The following CYP7A1 variants were observed in gnomAD, a reference collection of about 807,000 sequenced individuals.
The protein encoded by CYP7A1 is cytochrome P450 7A1.
Under a neutral mutation model 43.8 loss-of-function variants are expected in CYP7A1, and 28 were observed. The observed-to-expected ratio is 0.64, with a 90% CI of 0.47 to 0.88. The LOEUF (loss-of-function observed/expected upper bound fraction) is 0.88, where lower values mean the gene tolerates loss of function less well. Among genes scored for constraint, CYP7A1 ranks in the 40% least tolerant of loss-of-function variants. The pLI is 0.00. For missense variants in CYP7A1, 637 were observed against 611.9 expected (o/e 1.04, Z -0.43); for synonymous variants, 227 against 222.5 (o/e 1.02, Z -0.18).
chr8:58,491,337 G>A lies in CYP7A1; in HGVS notation c.*138C>T. ...GTCACCAAAATGTTAAGATTCACAAGCAAGCACTGGTGAACAACATTGGAC... is the reference window on the plus strand; with the variant it reads ...GTCACCAAAATGTTAAGATTCACAAACAAGCACTGGTGAACAACATTGGAC... On this transcript the variant is annotated 3_prime_UTR_variant, in exon 6 of 6. Transcript: ENST00000301645. 1 of 806,848 alleles carries A rather than the reference G, an allele frequency of 1.2e-6. No homozygotes were observed. Among genetic ancestry groups the A allele is most frequent in the Non-Finnish European group, 2.0e-6 (1 of 495,962 alleles). The allele number at this position is 806,848 out of a possible 1,614,324, so 50.0% of individuals were successfully genotyped here.
Position 58,491,328 on chromosome 8 carries a change from G to T in CYP7A1, c.*147C>A, listed in dbSNP as rs1809347077. The T allele has an allele frequency of 1.2e-5, 9 of 754,390 alleles. No individual in the cohort carries two copies. In the South Asian group the frequency reaches 1.5e-4, roughly 13 times the overall value. 46.7% of individuals were successfully genotyped at this position (754,390 alleles called of 1,614,324 possible). A position where few individuals can be genotyped will look rare whatever the true frequency, so the allele number is the denominator to read the frequency against. ...CTGGAAACTGTCACCAAAATGTTAAGATTCACAAGCAAGCACTGGTGAACA... is the reference window on the plus strand; with the variant it reads ...CTGGAAACTGTCACCAAAATGTTAATATTCACAAGCAAGCACTGGTGAACA... On this transcript the variant is annotated 3_prime_UTR_variant, in exon 6 of 6. Coordinates refer to ENST00000301645, the MANE Select transcript of CYP7A1 (RefSeq NM_000780.4).
chr8:58,494,416 A>AATATACT, intron 4 of CYP7A1, 90 bp downstream of exon 4: 1 of 1,391,230 alleles, frequency 7.2e-7, no homozygotes, highest in Non-Finnish European at 1.0e-6. Context: ...TTTAATGCCT[A>AATATACT]GAATTCGGTA....
Position 58,497,041 on chromosome 8 carries a change from G to C in CYP7A1, c.471C>G (p.Val157=), listed in dbSNP as rs766929793. 6.2e-7 allele frequency: 1 copy of C among 1,608,662 alleles called. No homozygotes were observed. Among genetic ancestry groups the C allele is most frequent in the Non-Finnish European group, 8.5e-7 (1 of 1,180,008 alleles). ...ENLQRIMRPP[V]SSNSKTAAWV... is the part of the protein sequence containing the mutation. ...AGGCAGCGGTCTTTGAGTTAGAGGAGACTGGAGGTCTCATGATACGTTGGA... is the reference window on the plus strand; with the variant it reads ...AGGCAGCGGTCTTTGAGTTAGAGGACACTGGAGGTCTCATGATACGTTGGA... The change falls in exon 3 of 6, where the codon GTC becomes GTG. Residue 157 remains valine (V), a synonymous_variant. Transcript: ENST00000301645.
intron 3 of CYP7A1, among the ~76,000 whole-genome samples, chr8:58,496,279 A>T (rs1332874733): frequency 6.6e-6 from 1 of 152,210 alleles, no homozygotes; most frequent in African/African-American, 2.4e-5. Context: ...GTCGTGAAGA[A>T]CAGTATGGGG....
At chr8:58,493,869 G>A (rs181246127) in intron 4 of CYP7A1, among the ~76,000 whole-genome samples, 7,271 of 152,052 alleles carry the variant, frequency 0.048, 252 homozygotes, top group Non-Finnish European at 0.075. Context: ...GGGTGGTGGC[G>A]TGCACCTGTA....
rs964193657 is a variant in CYP7A1, at chr8:58,491,174, G to A, written c.*301C>T. The A allele has an allele frequency of 2.0e-5, 7 of 358,884 alleles. 1 individual carries two copies. In the Admixed American group the frequency reaches 2.1e-4, roughly 11 times the overall value. The allele number at this position is 358,884 out of a possible 1,614,324, so 22.2% of individuals were successfully genotyped here. The stretch of plus-strand genomic sequence containing the variant: ...CATTTTGAAAAAAAATAAAATAAAG[G>A]TGTTTTCCTTTGAAAATAATAAACT... On this transcript the variant is annotated 3_prime_UTR_variant, in exon 6 of 6. Coordinates refer to ENST00000301645, the MANE Select transcript of CYP7A1 (RefSeq NM_000780.4).
Position 58,491,681 on chromosome 8 carries a change from A to G in CYP7A1, c.1309T>C (p.Phe437Leu), listed in dbSNP as rs747810583. Reference sequence around the variant, plus strand: ...GGACATATTGTAGCTCCCGATCCAAAGGGCATGTAGTAATACTTTAACTTG... The same window carrying G: ...GGACATATTGTAGCTCCCGATCCAAGGGGCATGTAGTAATACTTTAACTTG... ...GLKLKYYYMP[F>L]GSGATICPGR... The change falls in exon 6 of 6, where the codon TTT becomes CTT. Residue 437 changes from phenylalanine to leucine, a missense_variant. Coordinates refer to ENST00000301645, the MANE Select transcript of CYP7A1 (RefSeq NM_000780.4). The G allele has an allele frequency of 1.9e-6, 3 of 1,614,068 alleles. No individual in the cohort carries two copies. The highest frequency in any genetic ancestry group is 3.3e-5 in the Admixed American group (2 of 60,014).
chr8:58,495,871 A>G (rs7846365), intron 3 of CYP7A1, among the ~76,000 whole-genome samples: 103 of 152,350 alleles, frequency 6.8e-4, no homozygotes, highest in African/African-American at 2.2e-3. Context: ...TCCCAATCCT[A>G]TGGAGGAGCA....
Position 58,497,146 on chromosome 8 carries a change from A to G in CYP7A1, c.366T>C (p.Thr122=). 6.3e-7 allele frequency: 1 copy of G among 1,599,780 alleles called. No individual in the cohort carries two copies. Among genetic ancestry groups the G allele is most frequent in the Non-Finnish European group, 8.5e-7 (1 of 1,179,948 alleles). ...TGATGAAAGTGTCGTTTATGTTTTCAGTGGTATTTCCATCCATCGGGTCAA... is the reference window on the plus strand; with the variant it reads ...TGATGAAAGTGTCGTTTATGTTTTCGGTGGTATTTCCATCCATCGGGTCAA... The part of the protein sequence containing the change: ...RSIDPMDGNT[T]ENINDTFIKT... Residue 122 remains threonine (T), a synonymous_variant, in exon 3 of 6, where the codon ACT becomes ACC. Coordinates refer to ENST00000301645, the MANE Select transcript of CYP7A1 (RefSeq NM_000780.4).
intron 1 of CYP7A1, 58 bp from the exon 2 acceptor site, chr8:58,498,527 C>T: frequency 1.2e-6 from 2 of 1,604,574 alleles, no homozygotes; most frequent in Non-Finnish European, 8.5e-7. Flanking sequence ...TTTTTACTTA[C>T]ATCAGGTTTT....
In CYP7A1 at chr8:58,491,841, C is replaced by T. The variant is rs1428757195; in HGVS notation, c.1216-67G>A. The T allele has an allele frequency of 8.3e-6, 11 of 1,331,470 alleles. 1 individual carries two copies. In the East Asian group the frequency reaches 2.1e-4, roughly 25 times the overall value. The allele number at this position is 1,331,470 out of a possible 1,614,324, so 82.5% of individuals were successfully genotyped here. On this transcript the variant is annotated intron_variant, in intron 5 of 5. Coordinates refer to ENST00000301645, the MANE Select transcript of CYP7A1 (RefSeq NM_000780.4). ...TAAAGAAATTTATCTCTTTCTAAAC[C>T]TGGAAGCTCCAAAGAGTAATTTTCT...
In CYP7A1 at chr8:58,496,701, C is replaced by T; in HGVS notation, c.811G>A (p.Asp271Asn). The part of the protein sequence containing the change: ...MFLNDTLSTF[D>N]DLEKAKTHLV... ...TGTGTCTTGGCCTTCTCCAGATCAT[C>T]AAAGGTGGACAAAGTGTCATTGAGA... The change falls in exon 3 of 6, where the codon GAT (aspartate) becomes AAT (asparagine). Residue 271 changes from aspartate (D) to asparagine (N), a missense_variant. By Grantham distance (23) the Asp-to-Asn change is conservative (BLOSUM62 1). Coordinates refer to ENST00000301645, the MANE Select transcript of CYP7A1 (RefSeq NM_000780.4). 6.2e-7 allele frequency: 1 copy of T among 1,614,234 alleles called. No homozygotes were observed. Among genetic ancestry groups the T allele is most frequent in the Non-Finnish European group, 8.5e-7 (1 of 1,180,048 alleles).
chr8:58,499,867 T>C, intron 1 of CYP7A1, 152 bp downstream of exon 1: 1 of 608,446 alleles, frequency 1.6e-6, no homozygotes, highest in Non-Finnish European at 2.9e-6. Flanking sequence ...AGATATTACT[T>C]TAAAAATTCA....
Position 58,492,493 on chromosome 8 carries a change from C to T in CYP7A1, c.1075G>A (p.Ala359Thr). 6.2e-7 allele frequency: 1 copy of T among 1,613,890 alleles called. No individual in the cohort carries two copies. The highest frequency in any genetic ancestry group is 1.1e-5 in the South Asian group (1 of 91,072). The change falls in exon 5 of 6, where the codon GCC becomes ACC. Residue 359 changes from alanine to threonine, a missense_variant. By Grantham distance (58) the Ala-to-Thr change is moderately conservative. Transcript: ENST00000301645. ...IIKESLRLSSASLNIRTAKED... is the reference protein window; with the variant it reads ...IIKESLRLSSTSLNIRTAKED... The stretch of plus-strand genomic sequence containing the variant: ...TTAGCTGTCCGGATGTTGAGGGAGG[C>T]ACTGGAAAGCCTCAGCGATTCCTTG...
chr8:58,500,049 C>T lies in CYP7A1; in HGVS notation c.50G>A (p.Cys17Tyr), dbSNP rs1350022744. ...CCTAATTCCAAGAATAAGCCATAGA[C>T]AACAGCATGCTGCTATAGCAATCCC... ...IWGIAIAACC[C>Y]LWLILGIRRR... The change falls in exon 1 of 6, where the codon TGT (cysteine) becomes TAT (tyrosine). Residue 17 changes from cysteine to tyrosine, a missense_variant. Physicochemically the swap from Cys to Tyr is radical, Grantham distance 194. Transcript: ENST00000301645. 2.5e-6 allele frequency: 4 copies of T among 1,612,810 alleles called. No homozygotes were observed. Among genetic ancestry groups the T allele is most frequent in the Non-Finnish European group, 3.4e-6 (4 of 1,179,138 alleles).
intron 2 of CYP7A1, 152 bp downstream of exon 2, chr8:58,498,077 T>C: frequency 1.2e-6 from 1 of 845,276 alleles, no homozygotes; most frequent in Non-Finnish European, 1.8e-6. Flanking sequence ...AAGCTACGTA[T>C]AATTTATTTA....
intron 3 of CYP7A1, among the ~76,000 whole-genome samples, chr8:58,495,644 A>G (rs979490571): frequency 6.6e-6 from 1 of 152,256 alleles, no homozygotes; most frequent in African/African-American, 2.4e-5. Flanking sequence ...TTGTAAGACT[A>G]TCATAAAATA....
intron 1 of CYP7A1, among the ~76,000 whole-genome samples, chr8:58,498,702 A>G (rs1449983843): frequency 2.0e-5 from 3 of 152,202 alleles, no homozygotes; most frequent in Admixed American, 6.5e-5. Flanking sequence ...GCATCCGTCC[A>G]TATACACATT....
In CYP7A1 at chr8:58,497,086, C is replaced by T. The variant is rs1809456988; in HGVS notation, c.426G>A (p.Thr142=). ...TLQGHALNSL[T]ESMMENLQRI... ...GTTGGAGGTTTTCCATCATGCTTTC[C>T]GTGAGGGAATTCAAGGCATGGCCCT... is the stretch of plus-strand genomic sequence containing the variant. The change falls in exon 3 of 6, where the codon ACG becomes ACA. Residue 142 remains threonine, a synonymous_variant. Transcript: ENST00000301645. The T allele has an allele frequency of 5.0e-6, 8 of 1,601,528 alleles. No homozygotes were observed. Among genetic ancestry groups the T allele is most frequent in the East Asian group, 2.2e-5 (1 of 44,874 alleles).
Sources: gnomAD v4.1 joint callset for allele counts (sites outside exome capture counted in the v4.1 genomes callset) on GRCh38, gnomAD v4.1.1 for gene constraint, MANE v1.5 for transcripts, NCBI Gene and HGNC (gene_info 2026-07-23, HGNC 2026-07-21) for gene names.